The following CDH3 variants were observed in gnomAD, a reference collection of about 807,000 sequenced individuals.
CDH3 encodes the protein cadherin-3.
Under a neutral mutation model 82.0 loss-of-function variants are expected in CDH3, and 54 were observed. That is an observed-to-expected ratio of 0.66 (90% confidence interval 0.53 to 0.83). The LOEUF (loss-of-function observed/expected upper bound fraction) is 0.83. Ranked by LOEUF, CDH3 falls within the 40% of genes least tolerant of loss-of-function variation. The pLI, the probability that CDH3 is intolerant of heterozygous loss-of-function variation, is 0.00. For missense variants in CDH3, 1,054 were observed against 1,084.6 expected (o/e 0.97, Z 0.40); for synonymous variants, 446 against 437.9 (o/e 1.02, Z -0.23).
chr16:68,723,049 A>G (rs1010952817), intron 2 of CDH3, among the ~76,000 whole-genome samples: 244 of 54,980 alleles, frequency 4.4e-3, no homozygotes, highest in African/African-American at 0.011. Flanking sequence ...TGCCTCTATT[A>G]CTTTTTTTTT....
chr16:68,676,945 T>A (rs1961050593), intron 3 of CDH3, among the ~76,000 whole-genome samples: 1 of 152,140 alleles, frequency 6.6e-6, no homozygotes, highest in Admixed American at 6.5e-5. Context: ...AGCTATACAA[T>A]AAATAATCTC....
At chr16:68,645,899 T>C in intron 2 of CDH3, 149 bp downstream of exon 2, 2 of 635,854 alleles carry the variant, frequency 3.1e-6, no homozygotes, top group Admixed American at 2.8e-5. Flanking sequence ...GGGGCTGGGA[T>C]TGGGGGTGGT....
At chr16:68,697,921 A>G (rs1366129268) in intron 15 of CDH3, among the ~76,000 whole-genome samples, 1 of 152,196 alleles carries the variant, frequency 6.6e-6, no homozygotes, top group East Asian at 1.9e-4. Context: ...GGACTCGCCC[A>G]AGGCCACAAA....
intron 1 of CDH3, among the ~76,000 whole-genome samples, chr16:68,705,687 G>T (rs1961952427): frequency 6.6e-6 from 1 of 151,558 alleles, no homozygotes; most frequent in South Asian, 2.1e-4. Flanking sequence ...CTCCCAAACT[G>T]CTGGGATTAC....
chr16:68,732,336 C>G (rs1162677379), downstream of CDH3, among the ~76,000 whole-genome samples: 1 of 152,224 alleles, frequency 6.6e-6, no homozygotes, highest in Non-Finnish European at 1.5e-5. Flanking sequence ...GGGCACCTCC[C>G]ACCCCAATCT....
chr16:68,660,884 G>C (rs1267806952), intron 2 of CDH3, among the ~76,000 whole-genome samples: 1 of 151,814 alleles, frequency 6.6e-6, no homozygotes, highest in African/African-American at 2.4e-5. Flanking sequence ...GCGTGAACCC[G>C]GGAGGCAGAG....
chr16:68,681,556 C>T (rs1481106271), intron 8 of CDH3, among the ~76,000 whole-genome samples: 1 of 152,210 alleles, frequency 6.6e-6, no homozygotes, highest in African/African-American at 2.4e-5. Context: ...TGTAATGACG[C>T]CAGGGGCGGT....
rs574637324 is a variant in CDH3 at position 68,690,674 on chromosome 16, C to T, written c.1796-1046C>T. On this transcript the variant is annotated intron_variant, in intron 12 of 15. Transcript: ENST00000264012. Reference sequence around the variant, plus strand: ...CTGTAATCCCAGCACTCTGGGAGGCCGAGGAAGGTGGATCACGAGGTCAGG... The same window carrying T: ...CTGTAATCCCAGCACTCTGGGAGGCTGAGGAAGGTGGATCACGAGGTCAGG... Among the ~76,000 whole-genome samples the T allele has an allele frequency of 2.2e-4, 33 of 151,906 alleles. 1 individual carries two copies. The highest frequency in any genetic ancestry group is 1.2e-3 in the South Asian group (6 of 4,804).
In CDH3 at chr16:68,685,226, A is replaced by G; in HGVS notation, c.1446A>G (p.Pro482=). Residue 482 remains proline, a synonymous_variant, in exon 11 of 16, where the codon CCA becomes CCG. Coordinates refer to ENST00000264012, the MANE Select transcript of CDH3 (RefSeq NM_001793.6). ...CCAGCTACCGCATCCTGAGAGACCC[A>G]GCAGGGTGGCTAGCCATGGACCCAG... is the stretch of plus-strand genomic sequence containing the variant. ...QKISYRILRD[P]AGWLAMDPDS... 6.2e-7 allele frequency: 1 copy of G among 1,614,132 alleles called. No individual in the cohort carries two copies.
rs779286508 is a variant in CDH3, at chr16:68,708,797, C to A, written c.99+12874C>A. Among the ~76,000 whole-genome samples, 49 of 152,100 alleles carry A rather than the reference C, an allele frequency of 3.2e-4. 1 individual carries two copies. The highest frequency in any genetic ancestry group is 6.6e-5 in the Admixed American group (1 of 15,256). On this transcript the variant is annotated intron_variant, in intron 1 of 2. Coordinates refer to the CDH3 transcript ENST00000569080. ...TAGCTGGGATTACAGGCACCTGCCA[C>A]CACACCTGGCTAATTTTTGTATTTT...
downstream of CDH3, among the ~76,000 whole-genome samples, chr16:68,703,806 GC>G (rs1427771592): frequency 6.6e-6 from 1 of 152,062 alleles, no homozygotes; most frequent in Admixed American, 6.6e-5. Context: ...AATTAGCTGG[GC>G]ATGGTGGTGC....
At chr16:68,694,985 G>T (rs1181621845) in intron 13 of CDH3, among the ~76,000 whole-genome samples, 2 of 152,158 alleles carry the variant, frequency 1.3e-5, no homozygotes, top group Non-Finnish European at 2.9e-5. Context: ...TTCTTAAGGG[G>T]AAGTTGCTGG....
chr16:68,667,303 A>AAGCT (rs1960759061), intron 2 of CDH3, among the ~76,000 whole-genome samples: 1 of 152,190 alleles, frequency 6.6e-6, no homozygotes, highest in African/African-American at 2.4e-5. Context: ...TCCCTAAAGC[A>AAGCT]AGCTAGAATA....
At chr16:68,692,057 GA>G in intron 13 of CDH3, 131 bp downstream of exon 13, 1 of 680,746 alleles carries the variant, frequency 1.5e-6, no homozygotes, top group Non-Finnish European at 2.5e-6. Flanking sequence ...TTTTTTTTAA[GA>G]CAGGGTCTCA....
intron 2 of CDH3, among the ~76,000 whole-genome samples, chr16:68,723,919 A>T (rs1271205065): frequency 6.6e-6 from 1 of 152,106 alleles, no homozygotes; most frequent in Non-Finnish European, 1.5e-5. Flanking sequence ...AATACAAAAA[A>T]TTAGCCGGGC....
At chr16:68,683,359 G>T (rs1961282712) in intron 9 of CDH3, among the ~76,000 whole-genome samples, 1 of 151,862 alleles carries the variant, frequency 6.6e-6, no homozygotes, top group South Asian at 2.1e-4. Flanking sequence ...CTAAAATAAA[G>T]AAAAAATCCA....
At chr16:68,690,603 ACT>A (rs926388448) in intron 12 of CDH3, among the ~76,000 whole-genome samples, 3 of 136,734 alleles carry the variant, frequency 2.2e-5, no homozygotes, top group Admixed American at 8.1e-5. Context: ...ATAGAGCAAG[ACT>A]CTGTCTAAAA....
chr16:68,704,257 C>A (rs776075046), downstream of CDH3, among the ~76,000 whole-genome samples: 7 of 150,918 alleles, frequency 4.6e-5, no homozygotes, highest in African/African-American at 9.8e-5. Flanking sequence ...ACTGCACTCC[C>A]GCCTGGGCCA....
At chr16:68,669,820 T>A (rs1040246718) in intron 2 of CDH3, among the ~76,000 whole-genome samples, 13 of 152,018 alleles carry the variant, frequency 8.6e-5, no homozygotes, top group South Asian at 2.1e-4. Context: ...GAGGGCTGTT[T>A]TAGGATTGAG....
Sources: gnomAD v4.1 joint callset for allele counts (sites outside exome capture counted in the v4.1 genomes callset) on GRCh38, gnomAD v4.1.1 for gene constraint, MANE v1.5 for transcripts, NCBI Gene and HGNC (gene_info 2026-07-23, HGNC 2026-07-21) for gene names.